Variants in RBP7 observed in about 807,000 individuals in gnomAD.
The protein encoded by RBP7 is retinoid-binding protein 7.
Under a neutral mutation model 16.7 loss-of-function variants are expected in RBP7, and 13 were observed. The observed-to-expected ratio is 0.78, with a 90% confidence interval of 0.51 to 1.24. The LOEUF is 1.24. Ranked by LOEUF, RBP7 falls within the 50% of genes most tolerant of loss-of-function variation. The pLI is 0.00. For synonymous variants in RBP7, 54 were observed against 56.2 expected (o/e 0.96, Z 0.17); for missense variants, 145 against 159.5 (o/e 0.91, Z 0.49).
At chr1:10,000,706 G>T (rs900180873) in intron 1 of RBP7, among the ~76,000 whole-genome samples, 1 of 151,958 alleles carries the variant, frequency 6.6e-6, no homozygotes, top group Non-Finnish European at 1.5e-5. Context: ...TAAACTGTAG[G>T]GTCTAGGAAA....
intron 3 of RBP7, among the ~76,000 whole-genome samples, chr1:10,012,684 G>T (rs1301578064): frequency 6.6e-6 from 1 of 151,492 alleles, no homozygotes; most frequent in East Asian, 1.9e-4. Context: ...TGTAATCCCA[G>T]CACTTTTGAG....
chr1:10,003,742 C>T (rs1453362801), intron 1 of RBP7, among the ~76,000 whole-genome samples: 1 of 152,136 alleles, frequency 6.6e-6, no homozygotes, highest in Non-Finnish European at 1.5e-5. Flanking sequence ...AACAAATTGC[C>T]TCACATATTT....
At chr1:10,015,660 C>T in intron 3 of RBP7, 122 bp from the exon 4 acceptor site, 1 of 799,074 alleles carries the variant, frequency 1.3e-6, no homozygotes, top group Non-Finnish European at 2.1e-6. Context: ...GAGACCCCAT[C>T]TCATAAAAGA....
chr1:10,006,838 A>T lies in RBP7; in HGVS notation c.74-732A>T, dbSNP rs146244623. 1,349 of 336,882 alleles carry T rather than the reference A, an allele frequency of 4.0e-3. 35 individuals are homozygous for T. In the East Asian group the frequency reaches 0.066, roughly 17 times the overall value. 20.9% of individuals were successfully genotyped at this position (336,882 alleles called of 1,614,324 possible). ...GTTTTGTTTTCATTCTTGTTGAGAA[A>T]CTGTTCAAATGCTCTCTTAATTCAA... On this transcript the variant is annotated intron_variant, in intron 1 of 3. Coordinates refer to ENST00000294435, the MANE Select transcript of RBP7 (RefSeq NM_052960.3).
Position 10,007,731 on chromosome 1 carries a change from G to A in RBP7, c.235G>A (p.Asp79Asn). 6.2e-7 allele frequency: 1 copy of A among 1,611,680 alleles called. No individual in the cohort carries two copies. ...EEFDEDNRGL[D>N]NRKCKSLVIW... ...ATTTGATGAAGATAACAGAGGCCTG[G>A]ACAACAGAAAATGCAAGGTAAAATG... Residue 79 changes from aspartate (D) to asparagine (N), a missense_variant, in exon 2 of 4, where the codon GAC becomes AAC. Transcript: ENST00000294435.
chr1:10,012,740 C>G (rs1375594223), intron 3 of RBP7, among the ~76,000 whole-genome samples: 1 of 151,826 alleles, frequency 6.6e-6, no homozygotes, highest in Non-Finnish European at 1.5e-5. Flanking sequence ...TCGAGACCAG[C>G]CTGGCCAGCA....
chr1:10,014,621 A>C (rs888884313), intron 3 of RBP7, among the ~76,000 whole-genome samples: 4 of 152,040 alleles, frequency 2.6e-5, no homozygotes, highest in Admixed American at 1.3e-4. Flanking sequence ...TCCTGATCTC[A>C]GGCGATCTGC....
Position 10,015,977 on chromosome 1 carries a change from G to C in RBP7, c.*145G>C. 1.5e-6 allele frequency: 1 copy of C among 664,228 alleles called. No individual in the cohort carries two copies. The highest frequency in any genetic ancestry group is 1.8e-5 in the South Asian group (1 of 56,556). 41.1% of individuals were successfully genotyped at this position (664,228 alleles called of 1,614,324 possible). On this transcript the variant is annotated 3_prime_UTR_variant, in exon 4 of 4. Coordinates refer to ENST00000294435, the MANE Select transcript of RBP7 (RefSeq NM_052960.3). The stretch of plus-strand genomic sequence containing the variant: ...ACAGCGTGTAACCTGAAGTCATCTA[G>C]ATTATGGGGAAACTGCTCAGCTTCA...
chr1:9,999,100 A>G lies in RBP7; in HGVS notation c.73+1769A>G, dbSNP rs775960153. Among the ~76,000 whole-genome samples, 95 of 152,080 alleles carry G rather than the reference A, an allele frequency of 6.2e-4. 1 individual carries two copies. Among genetic ancestry groups the G allele is most frequent in the Middle Eastern group, 3.4e-3 (1 of 294 alleles). On this transcript the variant is annotated intron_variant, in intron 1 of 3. Coordinates refer to ENST00000294435, the MANE Select transcript of RBP7 (RefSeq NM_052960.3). ...CTGGTGGTAGTGAATGTCTCATGAG[A>G]TTTGATGGTTTTACAAGGGGTTTCC...
chr1:10,000,628 A>G (rs1352505258), intron 1 of RBP7, among the ~76,000 whole-genome samples: 1 of 152,238 alleles, frequency 6.6e-6, no homozygotes, highest in East Asian at 1.9e-4. Context: ...TTAAATTTAT[A>G]TGCTTGTTCA....
chr1:10,005,918 G>A (rs767486339), intron 1 of RBP7, among the ~76,000 whole-genome samples: 9 of 152,048 alleles, frequency 5.9e-5, no homozygotes, highest in African/African-American at 7.2e-5. Flanking sequence ...CCGATTCTGC[G>A]GCAGATACAC....
chr1:10,009,589 TG>T (rs1557486713), intron 3 of RBP7, among the ~76,000 whole-genome samples: 1 of 150,710 alleles, frequency 6.6e-6, no homozygotes. Context: ...TGGAGTGCAG[TG>T]GTGTGATCTC....
At chr1:10,011,363 T>C (rs993883770) in intron 3 of RBP7, among the ~76,000 whole-genome samples, 2 of 152,184 alleles carry the variant, frequency 1.3e-5, no homozygotes, top group Non-Finnish European at 2.9e-5. Context: ...TGGTGCCCTT[T>C]AGTTTTTTAC....
rs1214555779 is a variant in RBP7, at chr1:10,008,277, A to T, written c.354+3A>T. On this transcript the variant is annotated splice_donor_region_variant and intron_variant, in intron 3 of 3. Coordinates refer to ENST00000294435, the MANE Select transcript of RBP7 (RefSeq NM_052960.3). ...TCGAAGGAGACAAACTCCACCTGGTATCCACCACATTTTGTTCTTAATGAG... is the reference window on the plus strand; with the variant it reads ...TCGAAGGAGACAAACTCCACCTGGTTTCCACCACATTTTGTTCTTAATGAG... 6.3e-7 allele frequency: 1 copy of T among 1,577,916 alleles called. No individual in the cohort carries two copies. The highest frequency in any genetic ancestry group is 8.7e-7 in the Non-Finnish European group (1 of 1,147,642).
rs137894936 is a variant in RBP7, at chr1:10,006,466, C to T, written c.74-1104C>T. 2.0e-5 allele frequency among the ~76,000 whole-genome samples: 3 copies of T among 152,190 alleles called. No homozygotes were observed. The East Asian group carries it at 5.8e-4, about 29-fold the overall frequency. On this transcript the variant is annotated intron_variant, in intron 1 of 3. Coordinates refer to ENST00000294435, the MANE Select transcript of RBP7 (RefSeq NM_052960.3). ...TTGAGGCTACAGTGAGCCATGATTG[C>T]ACCACTGCACTTCAGCCTGGGTGAC...
intron 1 of RBP7, among the ~76,000 whole-genome samples, chr1:10,006,784 G>A (rs1466412177): frequency 6.8e-6 from 1 of 147,404 alleles, no homozygotes; most frequent in Non-Finnish European, 1.5e-5. Context: ...GAGAGAGAGA[G>A]GTATATACAT....
intron 1 of RBP7, among the ~76,000 whole-genome samples, chr1:9,998,439 G>A (rs1420597540): frequency 4.1e-5 from 5 of 120,642 alleles, no homozygotes; most frequent in African/African-American, 1.3e-4. Flanking sequence ...ACGGAGTCTC[G>A]CTCTGTTGCC....
At chr1:10,009,739 C>T (rs940896685) in intron 3 of RBP7, among the ~76,000 whole-genome samples, 1 of 152,016 alleles carries the variant, frequency 6.6e-6, no homozygotes, top group Middle Eastern at 3.2e-3. Flanking sequence ...ACCATATTGG[C>T]CAGGCTGGTC....
intron 1 of RBP7, among the ~76,000 whole-genome samples, chr1:10,006,560 GA>G (rs200441485): frequency 0.015 from 2,291 of 152,012 alleles, 21 homozygotes; most frequent in Non-Finnish European, 0.022. Flanking sequence ...TGGGTGTGGT[GA>G]TGCAAGCCTG....
Sources: gnomAD v4.1 joint callset for allele counts (sites outside exome capture counted in the v4.1 genomes callset) on GRCh38, gnomAD v4.1.1 for gene constraint, MANE v1.5 for transcripts, NCBI Gene and HGNC (gene_info 2026-07-23, HGNC 2026-07-21) for gene names.